PTPRT: variants seen among roughly 807,000 people sequenced by gnomAD.
PTPRT encodes receptor-type tyrosine-protein phosphatase T.
In PTPRT, 56 loss-of-function variants were observed where a neutral mutation model predicts 176.8. That is an observed-to-expected ratio of 0.32 (90% CI 0.26 to 0.40). PTPRT has a LOEUF of 0.40. Among genes scored for constraint, PTPRT ranks in the 10% least tolerant of loss-of-function variants. The probability of loss-of-function intolerance (pLI) is 1.00; values close to 1 mark genes in which losing one functional copy is unlikely to be tolerated. For synonymous variants in PTPRT, 783 were observed against 739.0 expected (o/e 1.06, Z -0.96); for missense variants, 1,540 against 1,908.2 (o/e 0.81, Z 3.60).
At chr20:42,472,060 C>G (rs1227816627) in intron 8 of PTPRT, among the ~76,000 whole-genome samples, 1 of 152,160 alleles carries the variant, frequency 6.6e-6, no homozygotes, top group African/African-American at 2.4e-5. Flanking sequence ...AAGTCTATGG[C>G]AGAACTGTCA....
At chr20:42,661,201 C>T (rs906833666) in intron 7 of PTPRT, among the ~76,000 whole-genome samples, 3 of 152,028 alleles carry the variant, frequency 2.0e-5, no homozygotes, top group Admixed American at 1.3e-4. Context: ...GGAAGCTAGA[C>T]CAACAAGGTC....
At chr20:42,589,419 C>T (rs917076569) in intron 7 of PTPRT, among the ~76,000 whole-genome samples, 8 of 152,188 alleles carry the variant, frequency 5.3e-5, no homozygotes, top group African/African-American at 1.9e-4. Flanking sequence ...ATTTGTGTGC[C>T]AGTCATAAAC....
chr20:42,782,788 T>C (rs1212935679), intron 3 of PTPRT, among the ~76,000 whole-genome samples: 1 of 152,086 alleles, frequency 6.6e-6, no homozygotes, highest in Non-Finnish European at 1.5e-5. Context: ...TGTGAAAACC[T>C]TGAAGTAGAA....
the PTPRT span, among the ~76,000 whole-genome samples, chr20:42,058,697 G>C: frequency 4.3e-4 from 66 of 152,276 alleles, no homozygotes; most frequent in African/African-American, 1.6e-3. Context: ...GAGGCACCTA[G>C]AGGAAATCTT....
intron 7 of PTPRT, among the ~76,000 whole-genome samples, chr20:42,480,224 G>A (rs1166044931): frequency 3.9e-5 from 6 of 152,176 alleles, no homozygotes; most frequent in Non-Finnish European, 7.3e-5. Context: ...TGTAGGAAAC[G>A]TAGATGATAC....
chr20:42,183,153 C>T (rs1361966347), intron 16 of PTPRT, among the ~76,000 whole-genome samples: 1 of 152,152 alleles, frequency 6.6e-6, no homozygotes, highest in Non-Finnish European at 1.5e-5. Context: ...AAACATAATA[C>T]ATTTCAAACT....
At chr20:42,608,904 G>A (rs946613058) in intron 7 of PTPRT, among the ~76,000 whole-genome samples, 1 of 152,254 alleles carries the variant, frequency 6.6e-6, no homozygotes, top group South Asian at 2.1e-4. Context: ...CCCAAGGGAA[G>A]GGATCAGAGA....
At chr20:43,127,239 T>C (rs558742532) in intron 1 of PTPRT, among the ~76,000 whole-genome samples, 131 of 151,946 alleles carry the variant, frequency 8.6e-4, no homozygotes, top group East Asian at 3.5e-3. Context: ...CTGGCTAACA[T>C]GGTGAAACCC....
At chr20:42,977,808 C>A (rs1308811548) in intron 1 of PTPRT, among the ~76,000 whole-genome samples, 5 of 152,198 alleles carry the variant, frequency 3.3e-5, no homozygotes, top group Non-Finnish European at 5.9e-5. Context: ...TTGTTTTCCT[C>A]AGTTTTCTAT....
chr20:43,083,351 T>TATATATATATATAC (rs2011511280), intron 1 of PTPRT, among the ~76,000 whole-genome samples: 6 of 114,288 alleles, frequency 5.2e-5, no homozygotes, highest in African/African-American at 2.1e-4. Flanking sequence ...TATATATATA[T>TATATATATATATAC]ATATATATAT....
At chr20:42,861,150 T>C (rs1355308599) in intron 2 of PTPRT, among the ~76,000 whole-genome samples, 1 of 152,170 alleles carries the variant, frequency 6.6e-6, no homozygotes, top group African/African-American at 2.4e-5. Context: ...TGTTCCTCTA[T>C]AGCCTGTCAA....
At chr20:42,832,737 GA>G (rs368618133) in intron 2 of PTPRT, among the ~76,000 whole-genome samples, 2 of 64,398 alleles carry the variant, frequency 3.1e-5, no homozygotes, top group Admixed American at 1.8e-4. Flanking sequence ...GAAAAGCAAA[GA>G]AAAAAAAACA....
chr20:43,073,893 G>A (rs1428992293), intron 1 of PTPRT, among the ~76,000 whole-genome samples: 1 of 151,910 alleles, frequency 6.6e-6, no homozygotes, highest in African/African-American at 2.4e-5. Flanking sequence ...TAAAACTATA[G>A]GCATATGTCA....
rs868829844 is a variant in PTPRT at position 42,949,792 on chromosome 20, C to T, written c.89-63860G>A. Reference sequence around the variant, plus strand: ...TTTGCCAAACCATTCCTGAAATCTACCCAAAACAAAACACTACTTTCTAAG... The same window carrying T: ...TTTGCCAAACCATTCCTGAAATCTATCCAAAACAAAACACTACTTTCTAAG... On this transcript the variant is annotated intron_variant, in intron 1 of 30. Coordinates refer to ENST00000373187, the MANE Select transcript of PTPRT (RefSeq NM_007050.6). 6.6e-5 allele frequency among the ~76,000 whole-genome samples: 10 copies of T among 152,276 alleles called. No homozygotes were observed. The Middle Eastern group carries it at 0.01, about 155-fold the overall frequency.
chr20:42,885,176 T>C (rs1157600768), intron 2 of PTPRT, among the ~76,000 whole-genome samples: 2 of 147,382 alleles, frequency 1.4e-5, no homozygotes, highest in Non-Finnish European at 3.0e-5. Flanking sequence ...TATTATATAA[T>C]AATATGACCT....
chr20:42,492,873 T>G (rs2071585567), intron 7 of PTPRT, among the ~76,000 whole-genome samples: 1 of 152,196 alleles, frequency 6.6e-6, no homozygotes. Context: ...GCATTTGGAG[T>G]TCTATATATT....
At position 42,752,230 on chromosome 20, in the gene PTPRT, C is replaced by G. The variant is rs138675723; in HGVS notation, c.859+4232G>C. On this transcript the variant is annotated intron_variant, in intron 6 of 30. Transcript: ENST00000373187. ...TACTTCTTTGTCTGATAAATCCCAC[C>G]CCTATGGGCAATTTATTTATTTTAT... Among the ~76,000 whole-genome samples, 124 of 152,280 alleles carry G rather than the reference C, an allele frequency of 8.1e-4. 1 individual carries two copies. Among genetic ancestry groups the G allele is most frequent in the African/African-American group, 1.4e-3 (60 of 41,544 alleles).
intron 5 of PTPRT, among the ~76,000 whole-genome samples, chr20:42,756,939 T>A (rs552349461): frequency 6.6e-6 from 1 of 151,286 alleles, no homozygotes; most frequent in Non-Finnish European, 1.5e-5. Flanking sequence ...CAGTCCCAGA[T>A]ACTCTGGAGG....
At chr20:42,786,042 G>C (rs1168007411) in intron 3 of PTPRT, among the ~76,000 whole-genome samples, 2 of 152,280 alleles carry the variant, frequency 1.3e-5, no homozygotes, top group East Asian at 3.9e-4. Context: ...GTTATCACAA[G>C]ATCTGATGGT....
Sources: gnomAD v4.1 joint callset for allele counts (sites outside exome capture counted in the v4.1 genomes callset) on GRCh38, gnomAD v4.1.1 for gene constraint, MANE v1.5 for transcripts, NCBI Gene and HGNC (gene_info 2026-07-23, HGNC 2026-07-21) for gene names.